The following TTN variants were observed in gnomAD, a reference collection of about 807,000 sequenced individuals.
TTN encodes the protein connectin.
TTN carries 1,525 observed loss-of-function variants against 3,223.0 expected under a neutral mutation model. That is an observed-to-expected ratio of 0.47 (90% confidence interval 0.45 to 0.49). The LOEUF is 0.49. Among genes scored for constraint, TTN ranks in the 20% least tolerant of loss-of-function variants. TTN has a pLI of 0.00. For missense variants in TTN, 40,786 were observed against 43,424.0 expected (o/e 0.94, Z 5.40); for synonymous variants, 14,094 against 15,161.0 (o/e 0.93, Z 5.17).
chr2:178,783,081 AAAT>A lies in TTN; in HGVS notation c.2842-20_2842-18del. On this transcript the variant is annotated intron_variant, in intron 17 of 362. Transcript: ENST00000589042. ...TTTTAAGCCCTGAAGAGAGGAGAAA[AAAT>A]AAATAATGATACGTGTGCATATTCA... 1 of 1,613,238 alleles carries A rather than the reference AAAT, an allele frequency of 6.2e-7. No homozygotes were observed.
intron 13 of TTN, 91 bp downstream of exon 13, chr2:178,789,269 A>G: frequency 6.5e-7 from 1 of 1,530,658 alleles, no homozygotes. Flanking sequence ...CAGAGACTTG[A>G]TATTAATGTA....
Position 178,553,553 on chromosome 2 carries a change from G to T in TTN, c.89452C>A (p.Gln29818Lys). 1 of 1,613,862 alleles carries T rather than the reference G, an allele frequency of 6.2e-7. No homozygotes were observed. The highest frequency in any genetic ancestry group is 1.1e-5 in the South Asian group (1 of 91,080). ...TCATTCATTTCTATAGGTTCTCCTT[G>T]TCCAGCACAGTTTACAGCAGATACC... ...FRVSAVNCAG[Q>K]GEPIEMNEPV... The change falls in exon 334 of 363, where the codon CAA becomes AAA. Residue 29818 changes from glutamine to lysine, a missense_variant. Gln to Lys is a moderately conservative substitution (Grantham distance 53, BLOSUM62 1). Coordinates refer to ENST00000589042, the MANE Select transcript of TTN (RefSeq NM_001267550.2).
intron 263 of TTN, 123 bp downstream of exon 263, chr2:178,613,628 T>A: frequency 1.0e-6 from 1 of 958,282 alleles, no homozygotes; most frequent in Non-Finnish European, 1.5e-6. Context: ...ATAGAAAATA[T>A]GAGTAAAAGT....
rs1320532598 is a variant in TTN at position 178,704,503 on chromosome 2, A to G, written c.29962+7T>C. On this transcript the variant is annotated splice_region_variant and intron_variant, in intron 105 of 362. Coordinates refer to ENST00000589042, the MANE Select transcript of TTN (RefSeq NM_001267550.2). ...CACAAGTATTTCATAAGCCTTTTCT[A>G]ACTTACCAATTACAGTTAGTTTAGC... 6.2e-7 allele frequency: 1 copy of G among 1,601,840 alleles called. No homozygotes were observed. The highest frequency in any genetic ancestry group is 8.5e-7 in the Non-Finnish European group (1 of 1,173,558).
Position 178,566,475 on chromosome 2 carries a change from G to C in TTN, c.79657C>G (p.Leu26553Val). 6.2e-7 allele frequency: 1 copy of C among 1,613,484 alleles called. No individual in the cohort carries two copies. The highest frequency in any genetic ancestry group is 8.5e-7 in the Non-Finnish European group (1 of 1,179,726). Residue 26553 changes from leucine to valine, a missense_variant, in exon 326 of 363, where the codon CTC becomes GTC. Transcript: ENST00000589042. ...ATTTTATACTCTTGGTGTTCAGTGAGTTTTGAAATTTCAAATCGAGTGACT... is the reference window on the plus strand; with the variant it reads ...ATTTTATACTCTTGGTGTTCAGTGACTTTTGAAATTTCAAATCGAGTGACT... ...LRVTRFEISK[L>V]TEHQEYKIRV... is the part of the protein sequence containing the mutation.
intron 336 of TTN, chr2:178,550,744 G>C (rs967384551): frequency 3.7e-6 from 2 of 544,278 alleles, no homozygotes; most frequent in African/African-American, 3.9e-5. Context: ...ATTCCCACTT[G>C]CTGCATGCTC....
intron 16 of TTN, 46 bp from the exon 17 acceptor site, chr2:178,783,831 GA>G (rs1332558400): frequency 3.3e-6 from 5 of 1,505,616 alleles, no homozygotes; most frequent in Non-Finnish European, 4.6e-6. Context: ...GAAATTAAGG[GA>G]AATCTCATAA....
At chr2:178,648,566 C>G (rs984808176) in intron 213 of TTN, among the ~76,000 whole-genome samples, 1 of 151,960 alleles carries the variant, frequency 6.6e-6, no homozygotes, top group Non-Finnish European at 1.5e-5. Flanking sequence ...CATATCACCA[C>G]CCCCAGCTAA....
rs587780493 is a variant in TTN, at chr2:178,577,617, AAAT to A, written c.68806_68808del (p.Ile22936del). 5.6e-6 allele frequency: 9 copies of A among 1,607,006 alleles called. No individual in the cohort carries two copies. The South Asian group carries it at 1.0e-4, about 18-fold the overall frequency. ...ATGGACCTACCGTATTCATCCTTGC[AAAT>A]AATGGTTTCTGTACTTTCTGATGGA... On this transcript the variant is annotated inframe_deletion, in exon 323 of 363. Transcript: ENST00000589042.
At chr2:178,744,299 G>T in intron 47 of TTN, 1 of 856,840 alleles carries the variant, frequency 1.2e-6, no homozygotes, top group Non-Finnish European at 1.4e-6. Flanking sequence ...CAAAATTAAA[G>T]TTTATTCTAA....
In TTN at chr2:178,649,891, G is replaced by A. The variant is rs1306107659; in HGVS notation, c.39821C>T (p.Pro13274Leu). The change falls in exon 211 of 363, where the codon CCT becomes CTT. Residue 13274 changes from proline (P) to leucine (L), a missense_variant. Physicochemically the swap from Pro to Leu is moderately conservative, Grantham distance 98. Coordinates refer to ENST00000589042, the MANE Select transcript of TTN (RefSeq NM_001267550.2). ...EEPEVPPPAV[P>L]EEPKKIIPEK... ...TGGGATGATCTTCTTGGGCTCTTCA[G>A]GCACTTGAATAATAGGAATTTCTTT... 2 of 1,605,348 alleles carry A rather than the reference G, an allele frequency of 1.2e-6. No homozygotes were observed. Among genetic ancestry groups the A allele is most frequent in the Non-Finnish European group, 1.7e-6 (2 of 1,177,920 alleles).
rs2065095568 is a variant in TTN at position 178,663,249 on chromosome 2, T to C, written c.36700+17A>G. On this transcript the variant is annotated intron_variant, in intron 173 of 362. Transcript: ENST00000589042. ...ACAGTTATTTTTCTCCTATAGTTTG[T>C]ATAGCTTTGGCATTACCTTCAGGGG... 1.9e-6 allele frequency: 3 copies of C among 1,552,938 alleles called. No homozygotes were observed. Among genetic ancestry groups the C allele is most frequent in the Non-Finnish European group, 1.7e-6 (2 of 1,148,948 alleles).
chr2:178,711,660 G>A (rs893466800), intron 96 of TTN, among the ~76,000 whole-genome samples: 1 of 152,128 alleles, frequency 6.6e-6, no homozygotes, highest in African/African-American at 2.4e-5. Flanking sequence ...CTAGCAATTT[G>A]CATGAGATAC....
chr2:178,783,891 T>A, intron 16 of TTN, 106 bp from the exon 17 acceptor site: 2 of 1,044,642 alleles, frequency 1.9e-6, no homozygotes, highest in Non-Finnish European at 1.3e-6. Flanking sequence ...TAAAAATAAT[T>A]ATAAAAATAA....
chr2:178,778,597 A>T, intron 24 of TTN: 1 of 451,482 alleles, frequency 2.2e-6, no homozygotes, highest in Non-Finnish European at 4.1e-6. Flanking sequence ...CTGTTGTATA[A>T]ATTTACATAT....
rs772893209 is a variant in TTN at position 178,563,048 on chromosome 2, A to G, written c.83084T>C (p.Leu27695Ser). Residue 27695 changes from leucine (L) to serine (S), a missense_variant, in exon 326 of 363, where the codon TTA becomes TCA. Transcript: ENST00000589042. This position sits in a 1 kb window ranked among gnomAD's most constrained non-coding sequence, Gnocchi z 4.5. The part of the protein sequence containing the change: ...VVLRASATLR[L>S]FVTIKGRPEP... The stretch of plus-strand genomic sequence containing the variant: ...TGGTCGACCTTTGATAGTGACAAAT[A>G]AGCGTAAAGTAGCACTTGCACGCAG... 8 of 1,613,686 alleles carry G rather than the reference A, an allele frequency of 5.0e-6. No homozygotes were observed. The highest frequency in any genetic ancestry group is 6.8e-6 in the Non-Finnish European group (8 of 1,179,696).
Position 178,567,001 on chromosome 2 carries a change from T to C in TTN, c.79131A>G (p.Pro26377=), listed in dbSNP as rs767950347. The C allele has an allele frequency of 4.3e-6, 7 of 1,613,538 alleles. No homozygotes were observed. The Middle Eastern group carries it at 4.9e-4, about 114-fold the overall frequency. ...GCACAAATGGATTTTTCATTAGTAC[T>C]GGTGCAGATTCCAAAGGCTCTCCAA... is the stretch of plus-strand genomic sequence containing the variant. ...YGVGEPLESA[P]VLMKNPFVLP... is the part of the protein sequence containing the mutation. Residue 26377 remains proline, a synonymous_variant, in exon 326 of 363, where the codon CCA becomes CCG. Transcript: ENST00000589042.
intron 7 of TTN, 103 bp from the exon 8 acceptor site, chr2:178,794,654 C>T (rs1435730905): frequency 7.4e-7 from 1 of 1,349,720 alleles, no homozygotes; most frequent in East Asian, 2.3e-5. Flanking sequence ...AAAATACACT[C>T]ATACATAAGC....
intron 205 of TTN, 28 bp downstream of exon 205, chr2:178,651,856 G>T (rs371373940): frequency 7.3e-4 from 1,168 of 1,600,134 alleles, no homozygotes; most frequent in Non-Finnish European, 9.3e-4. Context: ...AGTGGCCGAG[G>T]TGTCCTAGCA....
Sources: gnomAD v4.1 joint callset for allele counts (sites outside exome capture counted in the v4.1 genomes callset) on GRCh38, gnomAD v4.1.1 for gene constraint, Gnocchi (gnomAD v3.1) non-coding constraint, MANE v1.5 for transcripts, NCBI Gene and HGNC (gene_info 2026-07-23, HGNC 2026-07-21) for gene names.